SNX30: variants seen among roughly 807,000 people sequenced by gnomAD.
SNX30 encodes sorting nexin-30.
A neutral mutation model predicts 46.4 loss-of-function variants in SNX30; 24 were observed. That is an observed-to-expected ratio of 0.52 (90% confidence interval 0.37 to 0.73). The LOEUF (loss-of-function observed/expected upper bound fraction) is 0.73. Ranked by LOEUF, SNX30 falls within the 30% of genes least tolerant of loss-of-function variation. SNX30 has a pLI of 0.00. For synonymous variants in SNX30, 189 were observed against 211.5 expected, an observed-to-expected ratio of 0.89 and a Z score of 0.92; for missense variants, 533 against 555.7, an observed-to-expected ratio of 0.96 and a Z score of 0.41.
intron 4 of SNX30, among the ~76,000 whole-genome samples, chr9:112,835,530 T>C (rs1287347617): frequency 6.6e-6 from 1 of 151,808 alleles, no homozygotes; most frequent in East Asian, 1.9e-4. Context: ...TTGACCAGGC[T>C]GGTCTTGAAC....
At position 112,868,980 on chromosome 9, in the gene SNX30, C is replaced by A. The variant is rs181908830; in HGVS notation, c.*137C>A. 6.0e-5 allele frequency: 50 copies of A among 830,382 alleles called. No homozygotes were observed. The highest frequency in any genetic ancestry group is 8.4e-5 in the Non-Finnish European group (42 of 499,014). The allele number at this position is 830,382 out of a possible 1,614,324, so 51.4% of individuals were successfully genotyped here. A position where few individuals can be genotyped will look rare whatever the true frequency, so the allele number is the denominator to read the frequency against. ...CTCTCCTTTGTGTATTTTTCCCTCCCCCACCTTTCACCCCACAGTGGTTTT... is the reference window on the plus strand; with the variant it reads ...CTCTCCTTTGTGTATTTTTCCCTCCACCACCTTTCACCCCACAGTGGTTTT... On this transcript the variant is annotated 3_prime_UTR_variant, in exon 9 of 9. Coordinates refer to ENST00000374232, the MANE Select transcript of SNX30 (RefSeq NM_001012994.2).
rs553561153 is a variant in SNX30, at chr9:112,787,059, G to A, written c.157-17717G>A. ...TGGGAATTCGATCTGGGGCAGCCAG[G>A]TAGCCAGTCAGGTGGCGCTCCAGCC... On this transcript the variant is annotated intron_variant, in intron 1 of 8. Transcript: ENST00000374232. 2.6e-3 allele frequency among the ~76,000 whole-genome samples: 395 copies of A among 152,290 alleles called. 3 individuals are homozygous for A. Among genetic ancestry groups the A allele is most frequent in the Admixed American group, 5.8e-3 (88 of 15,296 alleles).
Position 112,869,044 on chromosome 9 carries a change from G to C in SNX30, c.*201G>C, listed in dbSNP as rs1841404619. ...TTCCATGGTGGAGTCTGTGAGGCTA[G>C]AATATCTCTCAGCAAGAGCAGCATA... On this transcript the variant is annotated 3_prime_UTR_variant, in exon 9 of 9. Transcript: ENST00000374232. 1 of 591,716 alleles carries C rather than the reference G, an allele frequency of 1.7e-6. No homozygotes were observed. 36.7% of individuals were successfully genotyped at this position (591,716 alleles called of 1,614,324 possible).
At chr9:112,817,935 A>G (rs909801144) in intron 3 of SNX30, 120 bp downstream of exon 3, 4 of 688,852 alleles carry the variant, frequency 5.8e-6, no homozygotes, top group Non-Finnish European at 1.1e-5. Flanking sequence ...TATATAAAAC[A>G]TGTTAACGGA....
chr9:112,833,548 G>T (rs1231258645), intron 4 of SNX30, among the ~76,000 whole-genome samples: 1 of 152,186 alleles, frequency 6.6e-6, no homozygotes, highest in Admixed American at 6.5e-5. Flanking sequence ...GAGAAATGGG[G>T]ACGCTCAATA....
intron 3 of SNX30, among the ~76,000 whole-genome samples, chr9:112,818,602 T>C (rs1249039160): frequency 6.6e-6 from 1 of 152,198 alleles, no homozygotes; most frequent in African/African-American, 2.4e-5. Flanking sequence ...GGACACCAGA[T>C]GTTTCTTTGG....
chr9:112,838,763 G>A, intron 6 of SNX30, 66 bp downstream of exon 6: 6 of 1,468,462 alleles, frequency 4.1e-6, no homozygotes, highest in Non-Finnish European at 5.7e-6. Context: ...AGAAAGTAAT[G>A]GATTATTGCC....
At chr9:112,875,381 A>G (rs970553194), downstream of SNX30, 2 of 152,222 alleles carry the variant, frequency 1.3e-5, no homozygotes, top group African/African-American at 2.4e-5. Flanking sequence ...TGACCTGATG[A>G]TGGTAATGCA....
At chr9:112,757,462 G>A (rs1839369064) in intron 1 of SNX30, among the ~76,000 whole-genome samples, 1 of 152,206 alleles carries the variant, frequency 6.6e-6, no homozygotes, top group South Asian at 2.1e-4. Flanking sequence ...CAGTGAATGT[G>A]GGAGTGCAGA....
At chr9:112,846,872 T>C (rs1840946420) in intron 6 of SNX30, among the ~76,000 whole-genome samples, 1 of 152,180 alleles carries the variant, frequency 6.6e-6, no homozygotes, top group Non-Finnish European at 1.5e-5. Flanking sequence ...CTTTTCTGCC[T>C]TTTCCCCTCC....
intron 2 of SNX30, among the ~76,000 whole-genome samples, chr9:112,807,103 C>T (rs1165974217): frequency 8.3e-6 from 1 of 120,522 alleles, no homozygotes; most frequent in Non-Finnish European, 1.6e-5. Context: ...CTCCCTCTGT[C>T]GCCCAGGATG....
intron 7 of SNX30, among the ~76,000 whole-genome samples, chr9:112,857,167 G>T (rs894191463): frequency 2.6e-5 from 4 of 152,168 alleles, no homozygotes; most frequent in Admixed American, 1.3e-4. Flanking sequence ...AGGCAAGCTC[G>T]AGGATCTCTT....
chr9:112,840,857 G>T (rs568442120), intron 6 of SNX30, among the ~76,000 whole-genome samples: 2 of 151,246 alleles, frequency 1.3e-5, no homozygotes, highest in Admixed American at 6.6e-5. Flanking sequence ...TCAGCTCACC[G>T]CAAGCTCTGC....
At chr9:112,796,195 A>T (rs529159716) in intron 1 of SNX30, among the ~76,000 whole-genome samples, 16 of 152,242 alleles carry the variant, frequency 1.1e-4, no homozygotes, top group African/African-American at 3.6e-4. Flanking sequence ...CTGCCTTAAG[A>T]TTGTGAATTC....
intron 1 of SNX30, among the ~76,000 whole-genome samples, chr9:112,769,755 A>T (rs955869530): frequency 6.6e-6 from 1 of 152,178 alleles, no homozygotes; most frequent in African/African-American, 2.4e-5. Context: ...ACACACTGAT[A>T]ACTCCAGGCC....
chr9:112,877,269 G>A (rs529126858), downstream of SNX30: 1 of 152,318 alleles, frequency 6.6e-6, no homozygotes, highest in African/African-American at 2.4e-5. Context: ...TGAGAGCTCA[G>A]CTCAGGTTAA....
At chr9:112,759,423 C>T (rs1016676542) in intron 1 of SNX30, among the ~76,000 whole-genome samples, 5 of 152,062 alleles carry the variant, frequency 3.3e-5, no homozygotes, top group Admixed American at 3.3e-4. Context: ...TTCCCCTCCA[C>T]TTCCTGTTTT....
chr9:112,811,311 T>C (rs1212442397), intron 2 of SNX30, among the ~76,000 whole-genome samples: 1 of 152,188 alleles, frequency 6.6e-6, no homozygotes, highest in East Asian at 1.9e-4. Context: ...GACCCAGCTG[T>C]GGCCTGGACA....
chr9:112,813,048 A>G (rs1840343895), intron 2 of SNX30, among the ~76,000 whole-genome samples: 1 of 152,034 alleles, frequency 6.6e-6, no homozygotes, highest in Admixed American at 6.6e-5. Flanking sequence ...TTGGGAGGCT[A>G]AGGCAGGAGA....
Sources: gnomAD v4.1 joint callset for allele counts (sites outside exome capture counted in the v4.1 genomes callset) on GRCh38, gnomAD v4.1.1 for gene constraint, MANE v1.5 for transcripts, NCBI Gene and HGNC (gene_info 2026-07-23, HGNC 2026-07-21) for gene names.